Variants in GRIK3 observed in about 807,000 individuals in gnomAD.
GRIK3 encodes the protein glutamate receptor ionotropic, kainate 3.
Under a neutral mutation model 102.5 loss-of-function variants are expected in GRIK3, and 29 were observed. The ratio of observed to expected loss-of-function variants is 0.28; its 90% CI spans 0.21 to 0.39. GRIK3 has a LOEUF of 0.39. Ranked by LOEUF, GRIK3 falls within the 10% of genes least tolerant of loss-of-function variation. The pLI, the probability that GRIK3 is intolerant of heterozygous loss-of-function variation, is 1.00. For missense variants in GRIK3, 908 were observed against 1,252.4 expected (o/e 0.73, Z 4.15); for synonymous variants, 511 against 504.9 (o/e 1.01, Z -0.16).
At chr1:36,916,053 A>G (rs1252296841) in intron 1 of GRIK3, among the ~76,000 whole-genome samples, 2 of 152,228 alleles carry the variant, frequency 1.3e-5, no homozygotes, top group African/African-American at 4.8e-5. Context: ...CAAAATGCTG[A>G]TAATGATATC....
At chr1:36,862,084 G>A (rs1383568297) in intron 5 of GRIK3, among the ~76,000 whole-genome samples, 2 of 152,114 alleles carry the variant, frequency 1.3e-5, no homozygotes, top group African/African-American at 2.4e-5. Context: ...CTTACCTAAG[G>A]TCACATAGCT....
At chr1:36,896,431 A>G (rs1415115557) in intron 1 of GRIK3, among the ~76,000 whole-genome samples, 3 of 152,156 alleles carry the variant, frequency 2.0e-5, no homozygotes, top group African/African-American at 7.2e-5. Context: ...GCAGTATAAC[A>G]TTATTTGAGA....
intron 7 of GRIK3, among the ~76,000 whole-genome samples, chr1:36,854,373 A>C (rs1210254380): frequency 2.6e-5 from 4 of 152,206 alleles, no homozygotes; most frequent in Admixed American, 6.5e-5. Flanking sequence ...AGTCATATAA[A>C]ATACTGAGAA....
chr1:36,824,194 A>G (rs1395085087), intron 11 of GRIK3, among the ~76,000 whole-genome samples: 1 of 152,106 alleles, frequency 6.6e-6, no homozygotes, highest in Non-Finnish European at 1.5e-5. Context: ...CTTGCTAGTG[A>G]AGGGCCAGGA....
At chr1:36,968,820 G>A (rs550966650) in intron 1 of GRIK3, among the ~76,000 whole-genome samples, 13 of 152,320 alleles carry the variant, frequency 8.5e-5, no homozygotes, top group Admixed American at 1.3e-4. Context: ...TGTGCCTGTC[G>A]GGACAGCACT....
intron 1 of GRIK3, among the ~76,000 whole-genome samples, chr1:37,017,202 GAGACTTTGTCTCAAA>G (rs1016042357): frequency 7.0e-6 from 1 of 142,336 alleles, no homozygotes; most frequent in Non-Finnish European, 1.5e-5. Flanking sequence ...GACACAGAGT[GAGACTTTGTCTCAAA>G]AAAAAAAAAC....
chr1:36,969,738 C>A (rs542071818), intron 1 of GRIK3, among the ~76,000 whole-genome samples: 22 of 152,348 alleles, frequency 1.4e-4, no homozygotes, highest in Admixed American at 8.5e-4. Context: ...ACGGAACTCA[C>A]AGAGTTCAAT....
intron 1 of GRIK3, among the ~76,000 whole-genome samples, chr1:37,023,110 C>T (rs1373120505): frequency 2.6e-5 from 4 of 152,002 alleles, no homozygotes; most frequent in Non-Finnish European, 5.9e-5. Context: ...GGGCAGATCA[C>T]GAGGTCAGGA....
chr1:36,902,440 G>A (rs577077206), intron 1 of GRIK3, among the ~76,000 whole-genome samples: 43 of 152,272 alleles, frequency 2.8e-4, no homozygotes, highest in African/African-American at 8.2e-4. Context: ...AAATAAAGTC[G>A]ACCGATCTTT....
At chr1:36,950,836 C>T (rs1641836456) in intron 1 of GRIK3, among the ~76,000 whole-genome samples, 1 of 152,230 alleles carries the variant, frequency 6.6e-6, no homozygotes, top group Non-Finnish European at 1.5e-5. Context: ...CACATGCTGT[C>T]ACCCTACCAA....
rs1557687327 is a variant in GRIK3 at position 36,806,410 on chromosome 1, T to C, written c.2092-84A>G. On this transcript the variant is annotated intron_variant, in intron 13 of 15. Transcript: ENST00000373091. The surrounding 1 kb of genome is among the most constrained non-coding windows in gnomAD (Gnocchi z 4.0). ...CACCGCATACCCTGCACAACGTGGG[T>C]TGGGGCCTTGAACTCGGTCTACAAT... 1.3e-5 allele frequency: 10 copies of C among 788,412 alleles called. No homozygotes were observed. Among genetic ancestry groups the C allele is most frequent in the Non-Finnish European group, 2.1e-5 (10 of 481,054 alleles). 48.8% of individuals were successfully genotyped at this position (788,412 alleles called of 1,614,324 possible). A position where few individuals can be genotyped will look rare whatever the true frequency, so the allele number is the denominator to read the frequency against.
intron 10 of GRIK3, among the ~76,000 whole-genome samples, chr1:36,836,936 G>T (rs1640386772): frequency 6.6e-6 from 1 of 152,056 alleles, no homozygotes; most frequent in African/African-American, 2.4e-5. Context: ...CCAACTCGTG[G>T]ATGCTCATTC....
chr1:36,871,225 G>A (rs545852232), intron 4 of GRIK3, among the ~76,000 whole-genome samples: 1 of 152,280 alleles, frequency 6.6e-6, no homozygotes, highest in East Asian at 1.9e-4. Context: ...ACCCTCAAAT[G>A]AGCCTTTTAA....
At chr1:36,871,974 G>A (rs546640753) in intron 4 of GRIK3, among the ~76,000 whole-genome samples, 7 of 152,228 alleles carry the variant, frequency 4.6e-5, no homozygotes, top group Non-Finnish European at 8.8e-5. Flanking sequence ...CCATCCTTAC[G>A]CCAACTCACA....
At chr1:36,821,180 G>T (rs1047475312) in intron 11 of GRIK3, among the ~76,000 whole-genome samples, 1 of 152,208 alleles carries the variant, frequency 6.6e-6, no homozygotes, top group African/African-American at 2.4e-5. Flanking sequence ...CATGTGGAAA[G>T]AATTTTATTT....
chr1:36,820,677 T>C (rs1642686152), intron 11 of GRIK3, among the ~76,000 whole-genome samples: 1 of 152,216 alleles, frequency 6.6e-6, no homozygotes, highest in Admixed American at 6.5e-5. Flanking sequence ...AGAAGACACA[T>C]TTTATAAAAT....
intron 1 of GRIK3, among the ~76,000 whole-genome samples, chr1:36,977,692 C>T (rs1642209287): frequency 6.6e-6 from 1 of 152,206 alleles, no homozygotes; most frequent in South Asian, 2.1e-4. Flanking sequence ...GGCTGCCCTG[C>T]CTTGCTGAAG....
intron 3 of GRIK3, among the ~76,000 whole-genome samples, chr1:36,879,121 A>G (rs148445475): frequency 6.6e-6 from 1 of 152,004 alleles, no homozygotes; most frequent in Non-Finnish European, 1.5e-5. Flanking sequence ...ATAGAGCTAC[A>G]TGGAGATGGC....
At chr1:36,812,871 T>C (rs1570738359) in intron 13 of GRIK3, among the ~76,000 whole-genome samples, 2 of 152,352 alleles carry the variant, frequency 1.3e-5, no homozygotes, top group East Asian at 3.9e-4. Context: ...GGCTGCCCAC[T>C]CAGTTCCTAG....
Sources: gnomAD v4.1 joint callset for allele counts (sites outside exome capture counted in the v4.1 genomes callset) on GRCh38, gnomAD v4.1.1 for gene constraint, Gnocchi (gnomAD v3.1) non-coding constraint, MANE v1.5 for transcripts, NCBI Gene and HGNC (gene_info 2026-07-23, HGNC 2026-07-21) for gene names.